The following MCRS1 variants were observed in gnomAD, a reference collection of about 807,000 sequenced individuals.
MCRS1 encodes the protein microspherule protein 1.
In MCRS1, 22 loss-of-function variants were observed where a neutral mutation model predicts 62.9. The ratio of observed to expected loss-of-function variants is 0.35; its 90% CI spans 0.25 to 0.50. The LOEUF is 0.50. Ranked by LOEUF, MCRS1 falls within the 20% of genes least tolerant of loss-of-function variation. The pLI, the probability that MCRS1 is intolerant of heterozygous loss-of-function variation, is 0.98. For missense variants in MCRS1, 456 were observed against 601.1 expected, an observed-to-expected ratio of 0.76 and a Z score of 2.52; for synonymous variants, 244 against 233.5, an observed-to-expected ratio of 1.04 and a Z score of -0.41.
intron 9 of MCRS1, 83 bp downstream of exon 9, chr12:49,560,212 C>CTGG: frequency 6.8e-6 from 10 of 1,471,404 alleles, no homozygotes; most frequent in Non-Finnish European, 9.5e-6. Flanking sequence ...AGCCCAAGGG[C>CTGG]TGGGGCTGGG....
intron 8 of MCRS1, among the ~76,000 whole-genome samples, chr12:49,561,300 C>G (rs1938753265): frequency 6.6e-6 from 1 of 152,186 alleles, no homozygotes; most frequent in African/African-American, 2.4e-5. Context: ...AGTGGCCATG[C>G]AATTGTCAAC....
chr12:49,559,631 C>T lies in MCRS1; in HGVS notation c.1004-96G>A. ...GTTTATAAGGGAAGGGGGTCGGGGC[C>T]TGGGAAACGAGGGTCTCCCCAGCCA... is the stretch of plus-strand genomic sequence containing the variant. On this transcript the variant is annotated intron_variant, in intron 11 of 14. Coordinates refer to ENST00000343810, the MANE Select transcript of MCRS1 (RefSeq NM_006337.5). This position sits in a 1 kb window ranked among gnomAD's most constrained non-coding sequence, Gnocchi z 5.2. 6.3e-7 allele frequency: 1 copy of T among 1,588,458 alleles called. No individual in the cohort carries two copies. The highest frequency in any genetic ancestry group is 1.1e-5 in the South Asian group (1 of 90,302).
Position 49,558,885 on chromosome 12 carries a change from G to C in MCRS1, c.1260C>G (p.Leu420=). 1 of 1,612,960 alleles carries C rather than the reference G, an allele frequency of 6.2e-7. No individual in the cohort carries two copies. The highest frequency in any genetic ancestry group is 8.5e-7 in the Non-Finnish European group (1 of 1,179,998). ...RPIYIDGRPV[L]CGSKWRLSNN... ...TGCTGAGGCGCCATTTGGAGCCACA[G>C]AGCACCGGCCGTCCATCGATGTAGA... The change falls in exon 14 of 15, where the codon CTC becomes CTG. Residue 420 remains leucine, a synonymous_variant. Coordinates refer to ENST00000343810, the MANE Select transcript of MCRS1 (RefSeq NM_006337.5).
intron 6 of MCRS1, among the ~76,000 whole-genome samples, chr12:49,563,801 C>T (rs1938905082): frequency 6.6e-6 from 1 of 152,204 alleles, no homozygotes; most frequent in African/African-American, 2.4e-5. Flanking sequence ...AGCCTTGGAC[C>T]AGCTGCTGCT....
At chr12:49,562,800 T>C (rs986990270) in intron 8 of MCRS1, among the ~76,000 whole-genome samples, 3 of 152,248 alleles carry the variant, frequency 2.0e-5, no homozygotes, top group African/African-American at 7.2e-5. Context: ...TGTTGGCTAC[T>C]CTTACCATGA....
At chr12:49,564,115 G>A (rs1466475338) in intron 6 of MCRS1, among the ~76,000 whole-genome samples, 1 of 152,154 alleles carries the variant, frequency 6.6e-6, no homozygotes, top group South Asian at 2.1e-4. Flanking sequence ...TTGTTAGGAG[G>A]ATGAAACTGT....
At position 49,564,763 on chromosome 12, in the gene MCRS1, G is replaced by T; in HGVS notation, c.421C>A (p.Leu141Ile). The change falls in exon 5 of 15, where the codon CTC (leucine) becomes ATC (isoleucine). Residue 141 changes from leucine (L) to isoleucine (I), a missense_variant. Physicochemically the swap from Leu to Ile is conservative, Grantham distance 5 (BLOSUM62 2). This residue lies in a region of MCRS1 where 393 missense variants were observed against 523.5 expected (regional missense o/e 0.75). Transcript: ENST00000343810. ...TGCAACACAGCATTTATGAGCAGGAGGTCATCTGCAGGCTTCCAGCGGCCC... is the reference window on the plus strand; with the variant it reads ...TGCAACACAGCATTTATGAGCAGGATGTCATCTGCAGGCTTCCAGCGGCCC... ...DLGRWKPADD[L>I]LLINAVLQTN... The T allele has an allele frequency of 6.2e-7, 1 of 1,613,448 alleles. No homozygotes were observed. The highest frequency in any genetic ancestry group is 8.5e-7 in the Non-Finnish European group (1 of 1,179,562).
chr12:49,563,439 G>C lies in MCRS1; in HGVS notation c.665C>G (p.Ser222Trp). ...CACCTTCCCAGCCCTCAGCCTTACC[G>C]ATCCCACTTTGCTCAGCAGCTGCTC... ...AEEQLLSKVG[S>W]TSQPTLETFQ... The change falls in exon 7 of 15, where the codon TCG (serine) becomes TGG (tryptophan). Residue 222 changes from serine to tryptophan, a missense_variant and splice_region_variant. By Grantham distance (177) the Ser-to-Trp change is radical (BLOSUM62 -3). Coordinates refer to ENST00000343810, the MANE Select transcript of MCRS1 (RefSeq NM_006337.5). The C allele has an allele frequency of 6.2e-7, 1 of 1,611,354 alleles. No individual in the cohort carries two copies.
rs1938870194 is a variant in MCRS1 at position 49,563,251 on chromosome 12, T to C, written c.667-112A>G. 3.4e-6 allele frequency: 5 copies of C among 1,490,744 alleles called. No homozygotes were observed. The Admixed American group carries it at 6.1e-5, about 18-fold the overall frequency. 92.3% of individuals were successfully genotyped at this position (1,490,744 alleles called of 1,614,324 possible). ...CCCCCAGGAGCTGGAAGAAGCAAGC[T>C]AGTCACCCAAGAAGTCAGGCTTGGC... On this transcript the variant is annotated intron_variant, in intron 7 of 14. Transcript: ENST00000343810.
intron 4 of MCRS1, 71 bp downstream of exon 4, chr12:49,565,458 G>C (rs924175261): frequency 4.0e-5 from 61 of 1,533,558 alleles, no homozygotes; most frequent in Non-Finnish European, 5.0e-5. Flanking sequence ...GCTCTTGGCA[G>C]CTGGCAAAGG....
chr12:49,566,250 A>G, intron 2 of MCRS1, 35 bp from the exon 3 acceptor site: 1 of 1,599,754 alleles, frequency 6.3e-7, no homozygotes, highest in Non-Finnish European at 8.5e-7. Context: ...CGGGCCTCCT[A>G]AGATCCTAGA....
chr12:49,562,477 T>C (rs1410764760), intron 8 of MCRS1, among the ~76,000 whole-genome samples: 1 of 152,028 alleles, frequency 6.6e-6, no homozygotes, highest in Non-Finnish European at 1.5e-5. Context: ...TGGGGATTTA[T>C]GAATGGCCTG....
Position 49,558,986 on chromosome 12 carries a change from G to T in MCRS1, c.1175-16C>A. Reference sequence around the variant, plus strand: ...TTGATGACACCTGTGGAAGCAGAAAGAAAGAAGGGATGATGGGATGGGGAG... The same window carrying T: ...TTGATGACACCTGTGGAAGCAGAAATAAAGAAGGGATGATGGGATGGGGAG... On this transcript the variant is annotated splice_polypyrimidine_tract_variant and intron_variant, in intron 13 of 14. Transcript: ENST00000343810. 1 of 1,610,534 alleles carries T rather than the reference G, an allele frequency of 6.2e-7. No homozygotes were observed. Among genetic ancestry groups the T allele is most frequent in the Non-Finnish European group, 8.5e-7 (1 of 1,179,964 alleles).
chr12:49,558,639 C>T lies in MCRS1; in HGVS notation c.*4G>A. ...AGAGGGCCCACGAGTCCTGCCACCA[C>T]TCCTCACTGTGGTGTGATCTTGGCA... On this transcript the variant is annotated 3_prime_UTR_variant, in exon 15 of 15. Transcript: ENST00000343810. 6.2e-7 allele frequency: 1 copy of T among 1,612,568 alleles called. No homozygotes were observed.
rs765364425 is a variant in MCRS1, at chr12:49,559,518, A to G, written c.1021T>C (p.Phe341Leu). The change falls in exon 12 of 15, where the codon TTC becomes CTC. Residue 341 changes from phenylalanine to leucine, a missense_variant. By Grantham distance (22) the Phe-to-Leu change is conservative (BLOSUM62 0). Coordinates refer to ENST00000343810, the MANE Select transcript of MCRS1 (RefSeq NM_006337.5). The surrounding 1 kb of genome is among the most constrained non-coding windows in gnomAD (Gnocchi z 5.2). ...DSITGMSSPDFDNQTLAVLRG... is the reference protein window; with the variant it reads ...DSITGMSSPDLDNQTLAVLRG... ...AGCACTGCCAGTGTCTGGTTGTCGAAGTCCGGAGAGCTCATGCCTGGGAGA... is the reference window on the plus strand; with the variant it reads ...AGCACTGCCAGTGTCTGGTTGTCGAGGTCCGGAGAGCTCATGCCTGGGAGA... 6.2e-7 allele frequency: 1 copy of G among 1,611,238 alleles called. No homozygotes were observed. Among genetic ancestry groups the G allele is most frequent in the Non-Finnish European group, 8.5e-7 (1 of 1,180,010 alleles).
In MCRS1 at chr12:49,566,394, G is replaced by A. The variant is rs776597033; in HGVS notation, c.11-179C>T. 10 of 1,575,872 alleles carry A rather than the reference G, an allele frequency of 6.3e-6. No homozygotes were observed. In the East Asian group the frequency reaches 1.2e-4, roughly 18 times the overall value. ...CAGATCCCATCTGGGCTCAGACCTG[G>A]CCCAGACCTTCCACGCTGGGCAGTT... On this transcript the variant is annotated intron_variant, in intron 2 of 14. Transcript: ENST00000343810.
intron 4 of MCRS1, 50 bp downstream of exon 4, chr12:49,565,479 A>G: frequency 1.9e-6 from 3 of 1,544,408 alleles, no homozygotes; most frequent in Non-Finnish European, 2.6e-6. Context: ...TTCTGGGGAA[A>G]CATGAAATCT....
chr12:49,560,478 C>CA, intron 8 of MCRS1, 108 bp from the exon 9 acceptor site: 1 of 983,232 alleles, frequency 1.0e-6, no homozygotes. Context: ...GGGTGGAGAG[C>CA]CCAGCACCAG....
chr12:49,560,161 A>G (rs1938686057), intron 9 of MCRS1, 134 bp downstream of exon 9: 3 of 1,191,370 alleles, frequency 2.5e-6, no homozygotes, highest in Non-Finnish European at 3.7e-6. Flanking sequence ...CCCCAGTGGG[A>G]GGGGAGGGGG....
Sources: allele counts gnomAD v4.1 joint callset (sites outside exome capture counted in the v4.1 genomes callset), GRCh38; gene constraint gnomAD v4.1.1; regional missense constraint gnomAD v4.1.1; non-coding constraint Gnocchi (gnomAD v3.1); transcripts MANE v1.5; gene names NCBI Gene and HGNC (gene_info 2026-07-23, HGNC 2026-07-21).